CD244: variants seen among roughly 807,000 people sequenced by gnomAD.
CD244 encodes the protein CD244 molecule.
In CD244, 20 loss-of-function variants were observed where a neutral mutation model predicts 45.5. The ratio of observed to expected loss-of-function variants is 0.44; its 90% CI spans 0.31 to 0.64. CD244 has a LOEUF of 0.64. Ranked by LOEUF, CD244 falls within the 30% of genes least tolerant of loss-of-function variation. CD244 has a pLI of 0.08. For missense variants in CD244, 407 were observed against 426.9 expected (o/e 0.95, Z 0.41); for synonymous variants, 185 against 160.5 (o/e 1.15, Z -1.15).
chr1:160,852,732 G>A (rs1193623004), intron 1 of CD244, among the ~76,000 whole-genome samples: 1 of 151,474 alleles, frequency 6.6e-6, no homozygotes, highest in African/African-American at 2.4e-5. Context: ...TTGTACACAA[G>A]AAAATCTGGG....
intron 1 of CD244, among the ~76,000 whole-genome samples, chr1:160,854,032 G>A (rs769131250): frequency 1.3e-5 from 2 of 152,146 alleles, no homozygotes; most frequent in Non-Finnish European, 2.9e-5. Context: ...TGGGTATTAT[G>A]GACCCAGCAG....
At chr1:160,860,884 G>A (rs2101899096) in intron 1 of CD244, among the ~76,000 whole-genome samples, 1 of 152,334 alleles carries the variant, frequency 6.6e-6, no homozygotes, top group South Asian at 2.1e-4. Flanking sequence ...GACACAGGAT[G>A]GAGGAGGAAG....
At position 160,838,928 on chromosome 1, in the gene CD244, C is replaced by A; in HGVS notation, c.766+11G>T. ...CAGGCAGGAGCACCACCCTAAGGAC[C>A]TTCCACTCACCTGACTGCTTCTCCT... On this transcript the variant is annotated intron_variant, in intron 4 of 8. Transcript: ENST00000368034. The A allele has an allele frequency of 4.4e-6, 7 of 1,595,408 alleles. No individual in the cohort carries two copies. Among genetic ancestry groups the A allele is most frequent in the Non-Finnish European group, 6.0e-6 (7 of 1,164,464 alleles).
At position 160,848,587 on chromosome 1, in the gene CD244, G is replaced by A. The variant is rs112725891; in HGVS notation, c.62-6686C>T. The A allele has an allele frequency of 5.9e-3, 2,166 of 370,130 alleles. 41 individuals carry two copies. Among genetic ancestry groups the A allele is most frequent in the African/African-American group, 0.043 (2,044 of 47,168 alleles). The allele number at this position is 370,130 out of a possible 1,614,324, so 22.9% of individuals were successfully genotyped here. A position where few individuals can be genotyped will look rare whatever the true frequency, so the allele number is the denominator to read the frequency against. On this transcript the variant is annotated intron_variant, in intron 1 of 8. Coordinates refer to ENST00000368034, the MANE Select transcript of CD244 (RefSeq NM_016382.4). ...AAGAAATGCTACACAGAGAGACCAA[G>A]AAGAATCTGAACAGACAGGCCTTGC... is the stretch of plus-strand genomic sequence containing the variant.
intron 1 of CD244, among the ~76,000 whole-genome samples, chr1:160,861,823 G>A (rs1454823501): frequency 2.6e-5 from 4 of 151,808 alleles, no homozygotes; most frequent in African/African-American, 9.7e-5. Context: ...GGTGACAGAA[G>A]GAGACTCTGT....
At chr1:160,859,647 T>C (rs893348005) in intron 1 of CD244, among the ~76,000 whole-genome samples, 2 of 151,752 alleles carry the variant, frequency 1.3e-5, no homozygotes, top group South Asian at 4.2e-4. Context: ...TGGCTCACAC[T>C]TGTAGTCCCA....
intron 1 of CD244, among the ~76,000 whole-genome samples, chr1:160,857,589 G>A (rs12039959): frequency 0.25 from 37,559 of 152,142 alleles, 4,999 homozygotes; most frequent in East Asian, 0.4. Flanking sequence ...TTAGAAGTCA[G>A]AATTGTGGCT....
intron 3 of CD244, among the ~76,000 whole-genome samples, chr1:160,839,891 A>C (rs1290796970): frequency 6.6e-6 from 1 of 152,134 alleles, no homozygotes; most frequent in Non-Finnish European, 1.5e-5. Context: ...GCTCTTCCTC[A>C]TTTGAACTTC....
At chr1:160,852,540 C>T (rs139595121) in intron 1 of CD244, among the ~76,000 whole-genome samples, 52 of 151,952 alleles carry the variant, frequency 3.4e-4, no homozygotes, top group African/African-American at 1.2e-3. Context: ...CAGACTGAGA[C>T]TTGGTCTCGA....
intron 1 of CD244, among the ~76,000 whole-genome samples, chr1:160,861,705 C>T (rs976072871): frequency 2.6e-5 from 4 of 151,992 alleles, no homozygotes; most frequent in East Asian, 1.9e-4. Context: ...AGCATGGTGG[C>T]GCACGTCTGT....
At chr1:160,834,139 C>T (rs367671095) in intron 6 of CD244, 23 bp from the exon 7 acceptor site, 90 of 1,521,146 alleles carry the variant, frequency 5.9e-5, no homozygotes, top group Non-Finnish European at 8.1e-5. Context: ...GAAATAAAAT[C>T]ATTTCAGAAG....
Position 160,841,376 on chromosome 1 carries a change from AGCATAGGACACATT to A in CD244, c.475_488del (p.Asn159LeufsTer22). On this transcript the variant is annotated frameshift_variant, in exon 3 of 9. Transcript: ENST00000368034. LOFTEE classifies it high-confidence loss of function. ...GGATCAGCTTGCTCCCTCTGTACCA[AGCATAGGACACATT>A]GCCATCCCTGGAGACCAAGCAAGAC... The A allele has an allele frequency of 6.2e-7, 1 of 1,614,158 alleles. No individual in the cohort carries two copies. Among genetic ancestry groups the A allele is most frequent in the Non-Finnish European group, 8.5e-7 (1 of 1,180,018 alleles).
chr1:160,833,068 A>G (rs1257302197), intron 7 of CD244, among the ~76,000 whole-genome samples: 1 of 152,054 alleles, frequency 6.6e-6, no homozygotes, highest in East Asian at 1.9e-4. Context: ...CCCTTAATGT[A>G]AACAATCCAG....
chr1:160,860,325 G>A (rs550266119), intron 1 of CD244, among the ~76,000 whole-genome samples: 2 of 152,212 alleles, frequency 1.3e-5, no homozygotes, highest in Admixed American at 6.5e-5. Context: ...CAACTGGCTT[G>A]TCTTCTTCAA....
intron 1 of CD244, among the ~76,000 whole-genome samples, chr1:160,845,408 A>G (rs1411850493): frequency 6.6e-6 from 1 of 152,228 alleles, no homozygotes; most frequent in Non-Finnish European, 1.5e-5. Context: ...CAAAAACAAA[A>G]CAAAACCCCT....
chr1:160,859,361 G>A (rs999066581), intron 1 of CD244, among the ~76,000 whole-genome samples: 2 of 152,196 alleles, frequency 1.3e-5, no homozygotes, highest in Non-Finnish European at 2.9e-5. Flanking sequence ...TACTCTGCAT[G>A]AAAGAAGAAG....
chr1:160,841,541 A>G, intron 2 of CD244, 43 bp downstream of exon 2: 2 of 1,612,028 alleles, frequency 1.2e-6, no homozygotes, highest in Non-Finnish European at 1.7e-6. Flanking sequence ...TTAGAGGCCT[A>G]TAGGAATCAG....
intron 6 of CD244, among the ~76,000 whole-genome samples, chr1:160,835,677 C>T (rs548779970): frequency 6.6e-6 from 1 of 152,176 alleles, no homozygotes; most frequent in South Asian, 2.1e-4. Flanking sequence ...CAAATGCCAC[C>T]TGTTCCCAAA....
intron 5 of CD244, among the ~76,000 whole-genome samples, chr1:160,837,151 A>G (rs772736256): frequency 1.3e-4 from 20 of 152,172 alleles, no homozygotes; most frequent in Non-Finnish European, 2.9e-4. Flanking sequence ...CTGAGACAAT[A>G]GGGAGAGGCC....
Sources: allele counts gnomAD v4.1 joint callset (sites outside exome capture counted in the v4.1 genomes callset), GRCh38; gene constraint gnomAD v4.1.1; transcripts MANE v1.5; gene names NCBI Gene and HGNC (gene_info 2026-07-23, HGNC 2026-07-21).